SLC6A16: variants seen among roughly 807,000 people sequenced by gnomAD.
SLC6A16 encodes the protein solute carrier family 6 member 16, also known as orphan sodium- and chloride-dependent neurotransmitter transporter NTT5.
In SLC6A16, 54 loss-of-function variants were observed where a neutral mutation model predicts 65.4. That is an observed-to-expected ratio of 0.83 (90% confidence interval 0.66 to 1.04). SLC6A16 has a LOEUF of 1.04. SLC6A16 is among the 50% of genes least tolerant of loss of function. The pLI is 0.00. For missense variants in SLC6A16, 816 were observed against 914.0 expected (o/e 0.89, Z 1.38); for synonymous variants, 330 against 346.5 (o/e 0.95, Z 0.53).
At position 49,294,006 on chromosome 19, in the gene SLC6A16, G is replaced by A. The variant is rs1741838198; in HGVS notation, c.1439C>T (p.Ala480Val). 6.2e-7 allele frequency: 1 copy of A among 1,612,250 alleles called. No homozygotes were observed. Among genetic ancestry groups the A allele is most frequent in the African/African-American group, 1.3e-5 (1 of 74,896 alleles). Residue 480 changes from alanine (A) to valine (V), a missense_variant, in exon 9 of 12, where the codon GCA (alanine) becomes GTA (valine). Physicochemically the swap from Ala to Val is moderately conservative, Grantham distance 64. Coordinates refer to ENST00000335875, the MANE Select transcript of SLC6A16 (RefSeq NM_014037.3). ...FLKASEGPKF[A>V]FLSFVEAMSF... ...CATGGCTTCAACAAAGGACAGGAAT[G>A]CAAACTTTGGGCCCTCGCTAGCCTG...
At chr19:49,322,208 A>G (rs1970723300) in intron 1 of SLC6A16, among the ~76,000 whole-genome samples, 1 of 152,208 alleles carries the variant, frequency 6.6e-6, no homozygotes, top group Non-Finnish European at 1.5e-5. Flanking sequence ...GAGCTAATAA[A>G]TGAATTCAGC....
chr19:49,313,625 C>CAAAAAAAAAAAAAAAAAA (rs902187308), intron 1 of SLC6A16, among the ~76,000 whole-genome samples: 2 of 47,386 alleles, frequency 4.2e-5, no homozygotes, highest in Non-Finnish European at 5.0e-5. Flanking sequence ...ACTAAAAATG[C>CAAAAAAAAAAAAAAAAAA]AAAAAAAAAA....
Position 49,310,899 on chromosome 19 carries a change from T to C in SLC6A16, c.415+34A>G, listed in dbSNP as rs767854175. 4 of 1,515,230 alleles carry C rather than the reference T, an allele frequency of 2.6e-6. No homozygotes were observed. In the Middle Eastern group the frequency reaches 5.2e-4, roughly 197 times the overall value. 93.9% of individuals were successfully genotyped at this position (1,515,230 alleles called of 1,614,324 possible). A position where few individuals can be genotyped will look rare whatever the true frequency, so the allele number is the denominator to read the frequency against. On this transcript the variant is annotated intron_variant, in intron 2 of 11. Coordinates refer to ENST00000335875, the MANE Select transcript of SLC6A16 (RefSeq NM_014037.3). ...GACAGGACTCTGTCCTGATTGCCCC[T>C]TGTGGACCCAGGTTTCCTGGTCCCC...
chr19:49,339,442 C>G, the SLC6A16 span: 1 of 1,601,012 alleles, frequency 6.2e-7, no homozygotes, highest in East Asian at 2.2e-5. This position sits in a 1 kb window ranked among gnomAD's most constrained non-coding sequence, Gnocchi z 4.5. Flanking sequence ...CACCCGCGAT[C>G]GGCCCTAAAT....
the SLC6A16 span, among the ~76,000 whole-genome samples, chr19:49,333,410 T>C: frequency 6.6e-6 from 1 of 151,738 alleles, no homozygotes; most frequent in East Asian, 1.9e-4. Flanking sequence ...GAGGCGGAGG[T>C]TGCAGTCAGC....
the SLC6A16 span, chr19:49,339,045 G>A: frequency 1.1e-6 from 1 of 936,262 alleles, no homozygotes; most frequent in Non-Finnish European, 1.7e-6. This position sits in a 1 kb window ranked among gnomAD's most constrained non-coding sequence, Gnocchi z 4.5. Context: ...ACGAGAAAAG[G>A]AAAGGTACGG....
chr19:49,323,826 G>T (rs150908238), intron 1 of SLC6A16, among the ~76,000 whole-genome samples: 2,696 of 152,238 alleles, frequency 0.018, 76 homozygotes, highest in African/African-American at 0.055. Context: ...CTTAAAAATA[G>T]AATTACCATA....
chr19:49,336,990 G>A, the SLC6A16 span: 4 of 1,613,906 alleles, frequency 2.5e-6, no homozygotes, highest in Admixed American at 1.7e-5. Flanking sequence ...GCCCTCCTGG[G>A]TTGTGTGGGG....
At chr19:49,312,524 G>A (rs1402873441) in intron 1 of SLC6A16, 2 of 982,090 alleles carry the variant, frequency 2.0e-6, no homozygotes, top group East Asian at 1.1e-4. Flanking sequence ...TCACATCTAG[G>A]GCTATTCTCC....
rs547937900 is a variant in SLC6A16 at position 49,319,038 on chromosome 19, A to G, written c.-65+6010T>C. ...ATGATATATTTTAAACATCAAATAG[A>G]ACTTCTAGAGATGATACAACACCTG... is the stretch of plus-strand genomic sequence containing the variant. On this transcript the variant is annotated intron_variant, in intron 1 of 11. Coordinates refer to ENST00000335875, the MANE Select transcript of SLC6A16 (RefSeq NM_014037.3). Among the ~76,000 whole-genome samples the G allele has an allele frequency of 2.4e-4, 36 of 152,140 alleles. No individual in the cohort carries two copies. In the South Asian group the frequency reaches 7.5e-3, roughly 32 times the overall value.
intron 7 of SLC6A16, among the ~76,000 whole-genome samples, chr19:49,304,489 G>A (rs1970345338): frequency 6.6e-6 from 1 of 152,136 alleles, no homozygotes; most frequent in Non-Finnish European, 1.5e-5. Flanking sequence ...TTGTTGGCTG[G>A]GCGTGGTGGC....
chr19:49,305,545 T>C (rs1201346383), intron 7 of SLC6A16, among the ~76,000 whole-genome samples: 1 of 149,000 alleles, frequency 6.7e-6, no homozygotes. Context: ...TGAGCCGAGA[T>C]TGCACCATTA....
upstream of SLC6A16, among the ~76,000 whole-genome samples, chr19:49,328,733 A>G (rs1205880695): frequency 6.6e-6 from 1 of 152,230 alleles, no homozygotes; most frequent in South Asian, 2.1e-4. Flanking sequence ...CTGGCTTCCA[A>G]TGAACATAAG....
intron 7 of SLC6A16, among the ~76,000 whole-genome samples, chr19:49,299,831 T>G (rs1970254479): frequency 6.6e-6 from 1 of 151,796 alleles, no homozygotes. Flanking sequence ...AAGACCAGCC[T>G]GGCCAACATG....
At chr19:49,304,577 C>T (rs150729768) in intron 7 of SLC6A16, among the ~76,000 whole-genome samples, 1 of 152,208 alleles carries the variant, frequency 6.6e-6, no homozygotes, top group East Asian at 1.9e-4. Context: ...ACCAGCCTGA[C>T]CAACATGGAG....
rs556121053 is a variant in SLC6A16 at position 49,318,609 on chromosome 19, C to T, written c.-65+6439G>A. Among the ~76,000 whole-genome samples, 12 of 152,276 alleles carry T rather than the reference C, an allele frequency of 7.9e-5. No individual in the cohort carries two copies. In the East Asian group the frequency reaches 1.7e-3, roughly 22 times the overall value. On this transcript the variant is annotated intron_variant, in intron 1 of 11. Transcript: ENST00000335875. ...CTAATGGAATTAACACACCATAACA[C>T]TAAAATAGCTGTTACAAATATGCTT...
intron 7 of SLC6A16, among the ~76,000 whole-genome samples, chr19:49,296,468 AC>A (rs1202334424): frequency 6.6e-6 from 1 of 152,228 alleles, no homozygotes; most frequent in Non-Finnish European, 1.5e-5. Context: ...AACTAATGAT[AC>A]TGAGTAGAGC....
chr19:49,338,757 G>C, the SLC6A16 span: 1 of 1,613,586 alleles, frequency 6.2e-7, no homozygotes, highest in East Asian at 2.2e-5. This position sits in a 1 kb window ranked among gnomAD's most constrained non-coding sequence, Gnocchi z 5.0. Context: ...CATCCTGAGA[G>C]GTAACGGGTC....
At chr19:49,333,751 T>G in the SLC6A16 span, among the ~76,000 whole-genome samples, 1 of 152,054 alleles carries the variant, frequency 6.6e-6, no homozygotes. Flanking sequence ...GATGCGCTGT[T>G]GGGGAAGAGG....
Sources: gnomAD v4.1 joint callset for allele counts (sites outside exome capture counted in the v4.1 genomes callset) on GRCh38, gnomAD v4.1.1 for gene constraint, Gnocchi (gnomAD v3.1) non-coding constraint, MANE v1.5 for transcripts, NCBI Gene and HGNC (gene_info 2026-07-23, HGNC 2026-07-21) for gene names.